NLRP14: variants seen among roughly 807,000 people sequenced by gnomAD.
NLRP14 encodes the protein NACHT, LRR and PYD domains-containing protein 14.
A neutral mutation model predicts 94.7 loss-of-function variants in NLRP14; 105 were observed. That is an observed-to-expected ratio of 1.11 (90% CI 0.95 to 1.30). The LOEUF (loss-of-function observed/expected upper bound fraction) is 1.30. Ranked by LOEUF, NLRP14 falls within the 50% of genes most tolerant of loss-of-function variation. The probability of loss-of-function intolerance (pLI) is 0.00; values close to 1 mark genes in which losing one functional copy is unlikely to be tolerated. For synonymous variants in NLRP14, 508 were observed against 459.9 expected (o/e 1.10, Z -1.34); for missense variants, 1,362 against 1,254.1 (o/e 1.09, Z -1.30).
At chr11:7,079,499 G>T in the NLRP14 span, among the ~76,000 whole-genome samples, 1 of 152,256 alleles carries the variant, frequency 6.6e-6, no homozygotes, top group East Asian at 1.9e-4. Flanking sequence ...TTGTATTTTT[G>T]CAATTTCGGG....
chr11:7,078,618 C>T, the NLRP14 span, among the ~76,000 whole-genome samples: 4 of 151,308 alleles, frequency 2.6e-5, no homozygotes, highest in Non-Finnish European at 2.9e-5. Flanking sequence ...GGTGAAACCC[C>T]GTCTCTACTA....
At chr11:7,046,488 T>G in intron 4 of NLRP14, among the ~76,000 whole-genome samples, 180 bp from the exon 5 acceptor site, 1 of 152,146 alleles carries the variant, frequency 6.6e-6, no homozygotes, top group East Asian at 1.9e-4. Context: ...ATTGGACAAA[T>G]AAGACCTCTG....
At chr11:7,024,573 T>A (rs532017546) in intron 1 of NLRP14, among the ~76,000 whole-genome samples, 1 of 152,172 alleles carries the variant, frequency 6.6e-6, no homozygotes, top group South Asian at 2.1e-4. Context: ...CTGAGAGAGG[T>A]CTCTGGAATC....
chr11:7,039,190 T>G (rs1364857300), intron 2 of NLRP14, among the ~76,000 whole-genome samples: 1 of 152,098 alleles, frequency 6.6e-6, no homozygotes, highest in Non-Finnish European at 1.5e-5. Context: ...AGTTATAAGT[T>G]AGGCAACATT....
chr11:7,050,631 G>T (rs1852428010), intron 6 of NLRP14, among the ~76,000 whole-genome samples: 1 of 152,182 alleles, frequency 6.6e-6, no homozygotes, highest in Non-Finnish European at 1.5e-5. Context: ...GTATTTGTAG[G>T]AAGCAAATTA....
intron 1 of NLRP14, among the ~76,000 whole-genome samples, chr11:7,034,598 TG>T (rs1345081519): frequency 6.6e-6 from 1 of 152,250 alleles, no homozygotes; most frequent in Non-Finnish European, 1.5e-5. Flanking sequence ...TTTCTGTTTT[TG>T]GTTGACCATT....
chr11:7,033,630 T>C (rs186064296), intron 1 of NLRP14, among the ~76,000 whole-genome samples: 1 of 152,350 alleles, frequency 6.6e-6, no homozygotes, highest in East Asian at 1.9e-4. Context: ...AATTTACACT[T>C]CAGTTGTCTA....
At chr11:7,047,691 T>C (rs1852376795) in intron 5 of NLRP14, among the ~76,000 whole-genome samples, 1 of 152,074 alleles carries the variant, frequency 6.6e-6, no homozygotes, top group African/African-American at 2.4e-5. Context: ...CAGCTTTGTA[T>C]CTTTTTGGAA....
the NLRP14 span, among the ~76,000 whole-genome samples, chr11:7,080,414 C>T: frequency 6.6e-6 from 1 of 152,188 alleles, no homozygotes; most frequent in African/African-American, 2.4e-5. Flanking sequence ...TCATTACAAC[C>T]ATTCACAGAA....
intron 6 of NLRP14, among the ~76,000 whole-genome samples, chr11:7,053,603 C>T (rs181356134): frequency 6.6e-6 from 1 of 151,514 alleles, no homozygotes; most frequent in Admixed American, 6.6e-5. Flanking sequence ...AAAAAGCCAT[C>T]ATTTGTATTT....
chr11:7,072,947 C>T (rs930033754), downstream of NLRP14, among the ~76,000 whole-genome samples: 2 of 152,156 alleles, frequency 1.3e-5, no homozygotes, highest in African/African-American at 2.4e-5. Context: ...TGTTCATTAT[C>T]TCAGAGGAAA....
intron 1 of NLRP14, among the ~76,000 whole-genome samples, chr11:7,034,534 G>A (rs1852136396): frequency 6.6e-6 from 1 of 151,980 alleles, no homozygotes; most frequent in Non-Finnish European, 1.5e-5. Context: ...GTTTTAAAGT[G>A]GTTTTATTAA....
the NLRP14 span, among the ~76,000 whole-genome samples, chr11:7,085,695 TG>T: frequency 6.6e-6 from 1 of 152,250 alleles, no homozygotes; most frequent in Non-Finnish European, 1.5e-5. Context: ...GCATATAACC[TG>T]TACATATTCT....
At chr11:7,041,569 A>AT (rs1027567426) in intron 3 of NLRP14, among the ~76,000 whole-genome samples, 2 of 152,082 alleles carry the variant, frequency 1.3e-5, no homozygotes, top group African/African-American at 4.8e-5. Flanking sequence ...TTGTATTCTC[A>AT]TTTTTTTATT....
At chr11:7,051,869 C>A (rs1203038910) in intron 6 of NLRP14, among the ~76,000 whole-genome samples, 1 of 152,192 alleles carries the variant, frequency 6.6e-6, no homozygotes, top group Non-Finnish European at 1.5e-5. Context: ...GATCCGCCTG[C>A]CTTGGCCTCC....
chr11:7,062,326 C>T lies in NLRP14; in HGVS notation c.2805-7C>T. On this transcript the variant is annotated splice_polypyrimidine_tract_variant and splice_region_variant and intron_variant, in intron 9 of 11. Transcript: ENST00000299481. Reference sequence around the variant, plus strand: ...AGGATTCACTTTTCCTATTGTAATTCTTACAGATTGATGGGCTGTGTTCTC... The same window carrying T: ...AGGATTCACTTTTCCTATTGTAATTTTTACAGATTGATGGGCTGTGTTCTC... 6.2e-7 allele frequency: 1 copy of T among 1,610,734 alleles called. No homozygotes were observed. The highest frequency in any genetic ancestry group is 1.1e-5 in the South Asian group (1 of 90,996).
chr11:7,057,223 A>G (rs1484372737), intron 6 of NLRP14, among the ~76,000 whole-genome samples: 3 of 151,934 alleles, frequency 2.0e-5, no homozygotes, highest in African/African-American at 4.8e-5. Flanking sequence ...ACTCTTAAGG[A>G]CTGGATTCGT....
intron 6 of NLRP14, among the ~76,000 whole-genome samples, chr11:7,054,171 T>A (rs944168340): frequency 3.3e-5 from 5 of 152,202 alleles, no homozygotes; most frequent in Non-Finnish European, 5.9e-5. Flanking sequence ...TACTCCAGTG[T>A]GTGTATGTAC....
intron 4 of NLRP14, among the ~76,000 whole-genome samples, chr11:7,045,507 G>A (rs964115166): frequency 6.6e-6 from 1 of 152,114 alleles, no homozygotes; most frequent in Non-Finnish European, 1.5e-5. Context: ...TGTAAGCTTT[G>A]TGAGAGCAGG....
Sources: gnomAD v4.1 joint callset for allele counts (sites outside exome capture counted in the v4.1 genomes callset) on GRCh38, gnomAD v4.1.1 for gene constraint, MANE v1.5 for transcripts, NCBI Gene and HGNC (gene_info 2026-07-23, HGNC 2026-07-21) for gene names.